Variants in GPHN observed in about 807,000 individuals in gnomAD.
GPHN encodes the protein gephyrin.
Under a neutral mutation model 95.5 loss-of-function variants are expected in GPHN, and 17 were observed. The observed-to-expected ratio is 0.18, with a 90% CI of 0.12 to 0.27. The LOEUF (loss-of-function observed/expected upper bound fraction) is 0.27, where lower values mean the gene tolerates loss of function less well. Among genes scored for constraint, GPHN ranks in the 10% least tolerant of loss-of-function variants. GPHN has a pLI of 1.00. For missense variants in GPHN, 660 were observed against 978.1 expected (o/e 0.67, Z 4.34); for synonymous variants, 320 against 322.5 (o/e 0.99, Z 0.08).
the GPHN span, among the ~76,000 whole-genome samples, chr14:67,490,440 A>G: frequency 6.6e-6 from 1 of 152,212 alleles, no homozygotes; most frequent in Non-Finnish European, 1.5e-5. Context: ...GCAGCCTCCT[A>G]TGTGGGCAAG....
chr14:67,295,868 A>G, the GPHN span, among the ~76,000 whole-genome samples: 1 of 152,234 alleles, frequency 6.6e-6, no homozygotes, highest in Admixed American at 6.5e-5. Flanking sequence ...GTATATAGCC[A>G]AGAGAAATGA....
intron 4 of GPHN, among the ~76,000 whole-genome samples, chr14:66,829,589 A>G (rs761689265): frequency 1.2e-4 from 19 of 152,216 alleles, no homozygotes; most frequent in Admixed American, 2.6e-4. Flanking sequence ...AATATAGTAA[A>G]TTAGAAAATG....
chr14:67,596,688 G>C, the GPHN span, among the ~76,000 whole-genome samples: 1 of 152,110 alleles, frequency 6.6e-6, no homozygotes, highest in African/African-American at 2.4e-5. Flanking sequence ...AATCAGTTTA[G>C]AAAGAACTCC....
intron 1 of GPHN, among the ~76,000 whole-genome samples, chr14:66,667,604 C>T (rs1020937162): frequency 6.6e-6 from 1 of 152,030 alleles, no homozygotes; most frequent in Non-Finnish European, 1.5e-5. Context: ...AGCCATAGGT[C>T]GAAAATTGAA....
At chr14:67,442,931 A>G in the GPHN span, among the ~76,000 whole-genome samples, 1 of 152,034 alleles carries the variant, frequency 6.6e-6, no homozygotes, top group African/African-American at 2.4e-5. Context: ...ATATTAAATG[A>G]GTTCTGGGCT....
At chr14:66,850,226 A>G (rs928855234) in intron 4 of GPHN, among the ~76,000 whole-genome samples, 1 of 152,186 alleles carries the variant, frequency 6.6e-6, no homozygotes, top group Non-Finnish European at 1.5e-5. Context: ...TACTATTAGC[A>G]GTCATTTTAA....
chr14:66,776,329 G>T (rs559438043), intron 2 of GPHN, 135 bp from the exon 3 acceptor site: 8 of 712,232 alleles, frequency 1.1e-5, no homozygotes, highest in Non-Finnish European at 2.1e-5. Flanking sequence ...TGCACAAAAT[G>T]GTTGTTTTTC....
At chr14:67,175,717 A>G (rs910806125) in intron 21 of GPHN, among the ~76,000 whole-genome samples, 3 of 152,138 alleles carry the variant, frequency 2.0e-5, no homozygotes, top group African/African-American at 7.2e-5. Flanking sequence ...TGAGCATGGA[A>G]TGTTCTTCCA....
intron 16 of GPHN, among the ~76,000 whole-genome samples, chr14:67,120,695 C>T (rs989195257): frequency 6.6e-6 from 1 of 152,154 alleles, no homozygotes; most frequent in Admixed American, 6.5e-5. Flanking sequence ...GAGCTGCAAG[C>T]CTTGCCCCTT....
At chr14:67,148,780 A>G (rs1431857154) in intron 18 of GPHN, among the ~76,000 whole-genome samples, 1 of 151,014 alleles carries the variant, frequency 6.6e-6, no homozygotes, top group Non-Finnish European at 1.5e-5. Context: ...GTTAGCCAGG[A>G]TGGTCTCGAT....
At chr14:67,637,145 C>T in the GPHN span, among the ~76,000 whole-genome samples, 2 of 152,152 alleles carry the variant, frequency 1.3e-5, no homozygotes, top group East Asian at 1.9e-4. Flanking sequence ...CATGGTGGCT[C>T]ACACCTGTAA....
intron 9 of GPHN, among the ~76,000 whole-genome samples, chr14:66,975,469 C>T (rs1014773568): frequency 6.6e-6 from 1 of 152,166 alleles, no homozygotes; most frequent in East Asian, 1.9e-4. Flanking sequence ...GATTTACTGG[C>T]AGACATTTAA....
chr14:66,951,447 C>T (rs916328709), intron 8 of GPHN, among the ~76,000 whole-genome samples: 24 of 148,554 alleles, frequency 1.6e-4, no homozygotes, highest in African/African-American at 5.7e-4. Context: ...ACCTGGAAGG[C>T]GGAAGTTGCA....
chr14:66,952,882 G>A, intron 8 of GPHN, among the ~76,000 whole-genome samples: 1 of 151,950 alleles, frequency 6.6e-6, no homozygotes, highest in East Asian at 1.9e-4. Context: ...TTTTAGTAGA[G>A]AAGGGGTTTC....
At chr14:67,272,790 C>G in the GPHN span, among the ~76,000 whole-genome samples, 1 of 152,142 alleles carries the variant, frequency 6.6e-6, no homozygotes. Context: ...TCCCGAGTAG[C>G]TGGGACTACA....
the GPHN span, among the ~76,000 whole-genome samples, chr14:67,534,513 AT>A: frequency 2.0e-5 from 3 of 152,236 alleles, no homozygotes; most frequent in East Asian, 5.8e-4. Flanking sequence ...TAAAAAAAAA[AT>A]TGTTGTGATA....
At chr14:67,377,182 T>C in the GPHN span, among the ~76,000 whole-genome samples, 2 of 152,250 alleles carry the variant, frequency 1.3e-5, no homozygotes, top group African/African-American at 2.4e-5. Context: ...TACATCATTT[T>C]AACGACTTTG....
At chr14:66,995,568 TA>T (rs2071727932) in intron 9 of GPHN, among the ~76,000 whole-genome samples, 1 of 152,192 alleles carries the variant, frequency 6.6e-6, no homozygotes, top group South Asian at 2.1e-4. Flanking sequence ...TTTCATTCAT[TA>T]AATAAGCATT....
At chr14:66,918,039 A>T (rs2066003089) in intron 6 of GPHN, among the ~76,000 whole-genome samples, 1 of 152,192 alleles carries the variant, frequency 6.6e-6, no homozygotes, top group Non-Finnish European at 1.5e-5. Context: ...AATTCAGGAG[A>T]TCCTAAAATG....
Sources: gnomAD v4.1 joint callset for allele counts (sites outside exome capture counted in the v4.1 genomes callset) on GRCh38, gnomAD v4.1.1 for gene constraint, MANE v1.5 for transcripts, NCBI Gene and HGNC (gene_info 2026-07-23, HGNC 2026-07-21) for gene names.